TRAPPC9: variants seen among roughly 807,000 people sequenced by gnomAD.
TRAPPC9 encodes trafficking protein particle complex subunit 9.
In TRAPPC9, 83 loss-of-function variants were observed where a neutral mutation model predicts 124.0. The ratio of observed to expected loss-of-function variants is 0.67; its 90% CI spans 0.56 to 0.80. The LOEUF (loss-of-function observed/expected upper bound fraction) is 0.80. Among genes scored for constraint, TRAPPC9 ranks in the 30% least tolerant of loss-of-function variants. TRAPPC9 has a pLI of 0.00. For synonymous variants in TRAPPC9, 638 were observed against 617.5 expected, an observed-to-expected ratio of 1.03 and a Z score of -0.49; for missense variants, 1,302 against 1,508.3, an observed-to-expected ratio of 0.86 and a Z score of 2.27.
At chr8:139,811,496 C>CA (rs1427438296) in intron 21 of TRAPPC9, among the ~76,000 whole-genome samples, 1 of 152,242 alleles carries the variant, frequency 6.6e-6, no homozygotes, top group Non-Finnish European at 1.5e-5. Flanking sequence ...AGAACAACAG[C>CA]AGGAGGCATT....
chr8:140,457,024 C>T (rs2071693142), intron 1 of TRAPPC9, among the ~76,000 whole-genome samples: 1 of 152,210 alleles, frequency 6.6e-6, no homozygotes, highest in Admixed American at 6.5e-5. Context: ...GAGTTGACAG[C>T]GCGCTTATCC....
intron 17 of TRAPPC9, among the ~76,000 whole-genome samples, chr8:140,173,772 A>T (rs1265517829): frequency 6.6e-6 from 1 of 152,206 alleles, no homozygotes; most frequent in Non-Finnish European, 1.5e-5. Flanking sequence ...AATATTTATC[A>T]GGAAGATTTC....
chr8:140,254,757 G>T (rs188939737), intron 15 of TRAPPC9, among the ~76,000 whole-genome samples: 33 of 152,314 alleles, frequency 2.2e-4, no homozygotes, highest in African/African-American at 7.7e-4. Flanking sequence ...TAAGGAGACG[G>T]TTTTAGAGAG....
intron 21 of TRAPPC9, among the ~76,000 whole-genome samples, chr8:139,755,060 C>G (rs189261383): frequency 5.9e-4 from 90 of 152,318 alleles, no homozygotes; most frequent in African/African-American, 2.1e-3. Context: ...ATGAGATGGC[C>G]CTCGGCCAGC....
chr8:140,418,771 T>TAGATAGATAGATAGATAGAC (rs779953213), intron 5 of TRAPPC9, among the ~76,000 whole-genome samples: 7 of 131,168 alleles, frequency 5.3e-5, no homozygotes, highest in East Asian at 5.7e-4. Context: ...GATAGATAGA[T>TAGATAGATAGATAGATAGAC]AGACAGACAG....
chr8:139,802,725 G>A (rs1563825194), intron 21 of TRAPPC9, among the ~76,000 whole-genome samples: 1 of 152,182 alleles, frequency 6.6e-6, no homozygotes, highest in Non-Finnish European at 1.5e-5. Flanking sequence ...CTTTCTATGT[G>A]GAACATTCTG....
chr8:139,882,623 C>T lies in TRAPPC9; in HGVS notation c.3055+3256G>A, dbSNP rs373984205. Among the ~76,000 whole-genome samples the T allele has an allele frequency of 4.6e-5, 7 of 152,120 alleles. No homozygotes were observed. In the East Asian group the frequency reaches 5.8e-4, roughly 13 times the overall value. Reference sequence around the variant, plus strand: ...CAGGCCTGGTCCCACCACTGGCCCACGTCATCTATGGGGAAAGGGAGTCAG... The same window carrying T: ...CAGGCCTGGTCCCACCACTGGCCCATGTCATCTATGGGGAAAGGGAGTCAG... On this transcript the variant is annotated intron_variant, in intron 21 of 22. Coordinates refer to ENST00000438773, the MANE Select transcript of TRAPPC9 (RefSeq NM_001160372.4).
chr8:139,848,081 C>T (rs181840417), intron 21 of TRAPPC9, among the ~76,000 whole-genome samples: 19 of 152,302 alleles, frequency 1.2e-4, no homozygotes, highest in Non-Finnish European at 2.2e-4. Flanking sequence ...ATCACACCAT[C>T]TAAAGGGCTT....
intron 17 of TRAPPC9, among the ~76,000 whole-genome samples, chr8:140,220,993 C>T (rs1182843430): frequency 6.6e-6 from 1 of 152,222 alleles, no homozygotes; most frequent in African/African-American, 2.4e-5. Flanking sequence ...CTGCTCACTG[C>T]TGGCCTACAA....
Position 140,115,125 on chromosome 8 carries a change from G to A in TRAPPC9, c.2557-91046C>T, listed in dbSNP as rs181611094. On this transcript the variant is annotated intron_variant, in intron 17 of 22. Coordinates refer to ENST00000438773, the MANE Select transcript of TRAPPC9 (RefSeq NM_001160372.4). ...TGGCTCCAGGAACCCCACAGACACC[G>A]AAATCCTTGATTCTCGAATTCTGGT... Among the ~76,000 whole-genome samples the A allele has an allele frequency of 1.6e-3, 236 of 152,248 alleles. 5 individuals carry two copies. The highest frequency in any genetic ancestry group is 0.012 in the East Asian group (60 of 5,182).
intron 9 of TRAPPC9, among the ~76,000 whole-genome samples, chr8:140,318,911 A>G (rs528917041): frequency 3.2e-4 from 49 of 152,326 alleles, no homozygotes; most frequent in African/African-American, 1.2e-3. Context: ...AAGCCTGACC[A>G]CATATACCCA....
At chr8:140,122,463 A>G (rs1443725995) in intron 17 of TRAPPC9, among the ~76,000 whole-genome samples, 1 of 152,260 alleles carries the variant, frequency 6.6e-6, no homozygotes, top group African/African-American at 2.4e-5. Flanking sequence ...TAACTATTGC[A>G]TATAGTAGGA....
intron 5 of TRAPPC9, among the ~76,000 whole-genome samples, chr8:140,418,412 C>T (rs1281051941): frequency 2.6e-5 from 4 of 152,174 alleles, no homozygotes; most frequent in East Asian, 1.9e-4. Flanking sequence ...AACTACAGAT[C>T]CACATTTCTT....
chr8:140,190,763 C>A (rs1028927525), intron 17 of TRAPPC9, among the ~76,000 whole-genome samples: 1 of 152,174 alleles, frequency 6.6e-6, no homozygotes, highest in Admixed American at 6.5e-5. Context: ...AAGTAGATTT[C>A]TTTTTTTAAA....
chr8:139,749,382 C>T (rs1260740794), intron 21 of TRAPPC9, among the ~76,000 whole-genome samples: 1 of 152,198 alleles, frequency 6.6e-6, no homozygotes, highest in Non-Finnish European at 1.5e-5. Flanking sequence ...AGTGTGACCT[C>T]AGGTAAATCA....
chr8:139,889,427 G>A (rs759735546), intron 20 of TRAPPC9, among the ~76,000 whole-genome samples: 6 of 152,212 alleles, frequency 3.9e-5, no homozygotes, highest in Non-Finnish European at 7.3e-5. Flanking sequence ...TGAATCGCCT[G>A]AACTAGGTGC....
At chr8:140,259,721 G>A (rs192662720) in intron 15 of TRAPPC9, among the ~76,000 whole-genome samples, 26 of 152,294 alleles carry the variant, frequency 1.7e-4, no homozygotes, top group Non-Finnish European at 3.5e-4. Context: ...AGAGCTGTGT[G>A]GACGAAGTGA....
intron 16 of TRAPPC9, among the ~76,000 whole-genome samples, chr8:140,243,966 G>A (rs949632791): frequency 4.6e-5 from 7 of 152,238 alleles, no homozygotes; most frequent in Admixed American, 2.6e-4. Flanking sequence ...CTCAGCAGCG[G>A]CCTCAGGTTC....
Position 140,359,498 on chromosome 8 carries a change from G to A in TRAPPC9, c.1495+552C>T, listed in dbSNP as rs564535695. ...ACCTTGAAACAGGGGCAGAAACACC[G>A]CGTGGCCCCATGAGAGCCAACACAT... On this transcript the variant is annotated intron_variant, in intron 9 of 22. Transcript: ENST00000438773. Among the ~76,000 whole-genome samples, 6 of 152,298 alleles carry A rather than the reference G, an allele frequency of 3.9e-5. No individual in the cohort carries two copies. In the South Asian group the frequency reaches 8.3e-4, roughly 21 times the overall value.
Sources: allele counts gnomAD v4.1 joint callset (sites outside exome capture counted in the v4.1 genomes callset), GRCh38; gene constraint gnomAD v4.1.1; transcripts MANE v1.5; gene names NCBI Gene and HGNC (gene_info 2026-07-23, HGNC 2026-07-21).